PPA2: variants seen among roughly 807,000 people sequenced by gnomAD.
PPA2 encodes the protein inorganic pyrophosphatase 2.
A neutral mutation model predicts 49.5 loss-of-function variants in PPA2; 48 were observed. The observed-to-expected ratio is 0.97, with a 90% confidence interval of 0.77 to 1.23. The LOEUF (loss-of-function observed/expected upper bound fraction) is 1.23, where lower values mean the gene tolerates loss of function less well. PPA2 is among the 50% of genes most tolerant of loss of function. PPA2 has a pLI of 0.00. For missense variants in PPA2, 429 were observed against 410.1 expected, an observed-to-expected ratio of 1.05 and a Z score of -0.40; for synonymous variants, 131 against 139.9, an observed-to-expected ratio of 0.94 and a Z score of 0.45.
At chr4:105,421,351 A>C (rs1290220255) in intron 7 of PPA2, among the ~76,000 whole-genome samples, 1 of 152,214 alleles carries the variant, frequency 6.6e-6, no homozygotes, top group Non-Finnish European at 1.5e-5. Flanking sequence ...AGATCTGAGA[A>C]GATGAGGTGG....
At chr4:105,440,677 T>C (rs1397023429) in intron 5 of PPA2, among the ~76,000 whole-genome samples, 2 of 152,056 alleles carry the variant, frequency 1.3e-5, no homozygotes, top group African/African-American at 2.4e-5. Context: ...GACCTACTTA[T>C]GACAATTTTG....
At chr4:105,446,654 T>G (rs921407293) in intron 4 of PPA2, 152 bp from the exon 5 acceptor site, 1 of 948,606 alleles carries the variant, frequency 1.1e-6, no homozygotes, top group African/African-American at 1.7e-5. Flanking sequence ...TTAAGCCAGC[T>G]CTTATTACTA....
chr4:105,386,570 T>C lies in PPA2; in HGVS notation c.936A>G (p.Glu312=). Residue 312 remains glutamate, a synonymous_variant, in exon 10 of 12, where the codon GAA becomes GAG. Transcript: ENST00000341695. ...CTQEEARSLV[E]SVSSSPNKES... ...GTCTTGGATGTTTGCCCCTTACCGA[T>C]TCAACTAATGATCTTGCTTCCTCTT... The C allele has an allele frequency of 1.2e-6, 2 of 1,610,214 alleles. No homozygotes were observed. Among genetic ancestry groups the C allele is most frequent in the Non-Finnish European group, 1.7e-6 (2 of 1,176,858 alleles).
intron 1 of PPA2, among the ~76,000 whole-genome samples, chr4:105,467,815 G>A (rs967698710): frequency 2.0e-5 from 3 of 152,194 alleles, no homozygotes; most frequent in Admixed American, 6.5e-5. Context: ...AGCAACTAAA[G>A]AGAGAAACAA....
chr4:105,411,053 C>T (rs1722730712), intron 7 of PPA2, among the ~76,000 whole-genome samples: 1 of 152,192 alleles, frequency 6.6e-6, no homozygotes, highest in Non-Finnish European at 1.5e-5. Flanking sequence ...GGACTAAATT[C>T]ACACATAACA....
chr4:105,404,440 T>C (rs894231609), intron 7 of PPA2, among the ~76,000 whole-genome samples: 1 of 152,086 alleles, frequency 6.6e-6, no homozygotes, highest in African/African-American at 2.4e-5. Context: ...ACTCTAAAAA[T>C]ATTCAGAAAA....
intron 7 of PPA2, among the ~76,000 whole-genome samples, chr4:105,416,988 C>T (rs1723043429): frequency 1.3e-5 from 2 of 152,150 alleles, no homozygotes; most frequent in East Asian, 3.8e-4. Flanking sequence ...TCAGAAAAGA[C>T]TTAGATTTTT....
At chr4:105,433,247 A>G (rs568800339) in intron 6 of PPA2, among the ~76,000 whole-genome samples, 1 of 152,294 alleles carries the variant, frequency 6.6e-6, no homozygotes, top group Admixed American at 6.5e-5. Context: ...GTTATTTCCT[A>G]CAGTGATCTA....
intron 1 of PPA2, among the ~76,000 whole-genome samples, chr4:105,458,186 C>T (rs1047400462): frequency 9.2e-5 from 14 of 152,106 alleles, no homozygotes; most frequent in Admixed American, 5.9e-4. Context: ...ATTGAGAAAC[C>T]GTAACAGATT....
At chr4:105,382,948 C>T (rs1267936570) in intron 10 of PPA2, among the ~76,000 whole-genome samples, 2 of 152,064 alleles carry the variant, frequency 1.3e-5, no homozygotes, top group Non-Finnish European at 2.9e-5. Flanking sequence ...CTGCTGTGAA[C>T]TGTATGATCA....
At chr4:105,407,709 T>C (rs1443550707) in intron 7 of PPA2, among the ~76,000 whole-genome samples, 1 of 152,090 alleles carries the variant, frequency 6.6e-6, no homozygotes, top group African/African-American at 2.4e-5. Context: ...TCCAAAACAT[T>C]AGGCAAGAGA....
Position 105,399,180 on chromosome 4 carries a change from CA to C in PPA2, c.656-17del. 6.3e-7 allele frequency: 1 copy of C among 1,579,568 alleles called. No homozygotes were observed. On this transcript the variant is annotated splice_polypyrimidine_tract_variant and intron_variant, in intron 7 of 11. Transcript: ENST00000341695. ...TCATCAATATCTGTAAAGAAAAAAA[CA>C]AAAAGATGTTTTGTTAAGAACCAAA...
At chr4:105,429,602 A>C (rs1723704180) in intron 6 of PPA2, among the ~76,000 whole-genome samples, 1 of 152,228 alleles carries the variant, frequency 6.6e-6, no homozygotes, top group Non-Finnish European at 1.5e-5. Flanking sequence ...TTACAGTTTC[A>C]ACCTATTGCA....
At position 105,373,766 on chromosome 4, in the gene PPA2, T is replaced by TACACACACAC. The variant is rs36109695; in HGVS notation, c.940-2903_940-2894dup. On this transcript the variant is annotated intron_variant, in intron 10 of 11. Transcript: ENST00000341695. ...CAAAGCCATATGATATATATTTAAA[T>TACACACACAC]ACACACACACACACACACACACACA... 1.9e-3 allele frequency among the ~76,000 whole-genome samples: 277 copies of TACACACACAC among 148,386 alleles called. 3 individuals carry two copies. The highest frequency in any genetic ancestry group is 6.1e-3 in the African/African-American group (243 of 40,092).
At chr4:105,420,335 G>A (rs1161625522) in intron 7 of PPA2, among the ~76,000 whole-genome samples, 1 of 152,136 alleles carries the variant, frequency 6.6e-6, no homozygotes, top group African/African-American at 2.4e-5. Context: ...CTCACCTCCT[G>A]CACTCAAGTG....
At chr4:105,446,880 C>CCATATATTCAATAGTGAAATGCTGAAAG (rs1722407159) in intron 4 of PPA2, among the ~76,000 whole-genome samples, 2 of 152,048 alleles carry the variant, frequency 1.3e-5, no homozygotes, top group African/African-American at 4.8e-5. Flanking sequence ...AAGATTCCTA[C>CCATATATTCAATAGTGAAATGCTGAAAG]CATATATTCA....
intron 10 of PPA2, among the ~76,000 whole-genome samples, 161 bp from the exon 11 acceptor site, chr4:105,371,034 T>C (rs975125242): frequency 9.9e-5 from 15 of 152,192 alleles, no homozygotes; most frequent in African/African-American, 3.6e-4. Context: ...ATTATCATTG[T>C]TCATTCTTTC....
At chr4:105,401,607 G>A (rs78968932) in intron 7 of PPA2, among the ~76,000 whole-genome samples, 2,408 of 152,094 alleles carry the variant, frequency 0.016, 56 homozygotes, top group African/African-American at 0.055. Flanking sequence ...AAGAAAAGTG[G>A]CAGTTCTCTA....
In PPA2 at chr4:105,393,998, T is replaced by G. The variant is rs193294395; in HGVS notation, c.869+2251A>C. ...GATACATATACTGAAACTTATATTC[T>G]GAAAATTCTTAAACTAAAAAAAGTT... is the stretch of plus-strand genomic sequence containing the variant. On this transcript the variant is annotated intron_variant, in intron 9 of 11. Transcript: ENST00000341695. Among the ~76,000 whole-genome samples, 73 of 152,312 alleles carry G rather than the reference T, an allele frequency of 4.8e-4. 1 individual carries two copies. The highest frequency in any genetic ancestry group is 2.9e-3 in the South Asian group (14 of 4,834).
Sources: allele counts gnomAD v4.1 joint callset (sites outside exome capture counted in the v4.1 genomes callset), GRCh38; gene constraint gnomAD v4.1.1; transcripts MANE v1.5; gene names NCBI Gene and HGNC (gene_info 2026-07-23, HGNC 2026-07-21).